The following TOM1L2 variants were observed in gnomAD, a reference collection of about 807,000 sequenced individuals.
TOM1L2 encodes the protein target of myb1 like 2 membrane trafficking protein, also known as TOM1-like protein 2.
A neutral mutation model predicts 67.9 loss-of-function variants in TOM1L2; 31 were observed. The observed-to-expected ratio is 0.46, with a 90% CI of 0.34 to 0.62. TOM1L2 has a LOEUF of 0.62. Among genes scored for constraint, TOM1L2 ranks in the 20% least tolerant of loss-of-function variants. TOM1L2 has a pLI of 0.01. For synonymous variants in TOM1L2, 256 were observed against 254.0 expected (o/e 1.01, Z -0.07); for missense variants, 606 against 663.5 (o/e 0.91, Z 0.95).
rs564353743 is a variant in TOM1L2, at chr17:17,958,359, A to G, written c.52+13903T>C. On this transcript the variant is annotated intron_variant, in intron 1 of 14. Coordinates refer to ENST00000379504, the MANE Select transcript of TOM1L2 (RefSeq NM_001082968.2). ...TCTGGACCAGTGCCAGAAAAAGTAG[A>G]TAAAACAGAAGACCATTGGTGATTT... is the stretch of plus-strand genomic sequence containing the variant. 5.9e-5 allele frequency among the ~76,000 whole-genome samples: 9 copies of G among 152,344 alleles called. No homozygotes were observed. In the South Asian group the frequency reaches 1.5e-3, roughly 25 times the overall value.
chr17:17,886,121 T>C lies in TOM1L2; in HGVS notation c.367-1353A>G, dbSNP rs552284863. ...CTGTCATTGTCACAGAATTTAACTG[T>C]CTCCCTCACTCCAGCAATGTGGTAC... On this transcript the variant is annotated intron_variant, in intron 4 of 14. Transcript: ENST00000379504. 2.4e-4 allele frequency among the ~76,000 whole-genome samples: 37 copies of C among 152,080 alleles called. 1 individual carries two copies. The highest frequency in any genetic ancestry group is 8.7e-4 in the African/African-American group (36 of 41,492).
chr17:17,949,081 C>T (rs2041074318), intron 1 of TOM1L2, among the ~76,000 whole-genome samples: 1 of 152,190 alleles, frequency 6.6e-6, no homozygotes, highest in Non-Finnish European at 1.5e-5. Context: ...AGGTCAGGGA[C>T]ACCTTAATTG....
At chr17:17,914,944 T>C (rs557784170) in intron 1 of TOM1L2, among the ~76,000 whole-genome samples, 12 of 152,316 alleles carry the variant, frequency 7.9e-5, no homozygotes, top group African/African-American at 2.6e-4. Flanking sequence ...CAGAAGACTG[T>C]TGCACAAATG....
chr17:17,903,482 G>A (rs903345668), intron 2 of TOM1L2, among the ~76,000 whole-genome samples: 4 of 151,914 alleles, frequency 2.6e-5, no homozygotes, highest in South Asian at 4.2e-4. Flanking sequence ...GCGTGGTGGC[G>A]GGCGCCTGTA....
Position 17,893,694 on chromosome 17 carries a change from G to C in TOM1L2, c.333C>G (p.Thr111=), listed in dbSNP as rs752966416. Residue 111 remains threonine (T), a synonymous_variant, in exon 4 of 15, where the codon ACC becomes ACG. Coordinates refer to ENST00000379504, the MANE Select transcript of TOM1L2 (RefSeq NM_001082968.2). The part of the protein sequence containing the change: ...KIISPKNNPP[T]IVQDKVLALI... ...GAGCAAGCACTTTGTCCTGTACAAT[G>C]GTGGGAGGGTTGTTCTTGGGAGATA... 1 of 1,614,152 alleles carries C rather than the reference G, an allele frequency of 6.2e-7. No individual in the cohort carries two copies. Among genetic ancestry groups the C allele is most frequent in the South Asian group, 1.1e-5 (1 of 91,082 alleles).
chr17:17,850,915 T>C lies in TOM1L2; in HGVS notation c.1316A>G (p.Glu439Gly). Residue 439 changes from glutamate (E) to glycine (G), a missense_variant, in exon 13 of 15, where the codon GAG (glutamate) becomes GGG (glycine). By Grantham distance (98) the Glu-to-Gly change is moderately conservative. Transcript: ENST00000379504. Reference sequence around the variant, plus strand: ...CACCAGGTCGGTCCTGAGCCACACCTCAATGTCGTCCATGACAGATGGCTG... The same window carrying C: ...CACCAGGTCGGTCCTGAGCCACACCCCAATGTCGTCCATGACAGATGGCTG... ...VAQPSVMDDI[E>G]VWLRTDLKGD... 5 of 1,613,966 alleles carry C rather than the reference T, an allele frequency of 3.1e-6. No homozygotes were observed. The highest frequency in any genetic ancestry group is 3.4e-6 in the Non-Finnish European group (4 of 1,180,000).
At chr17:17,941,576 T>C (rs572605697) in intron 1 of TOM1L2, among the ~76,000 whole-genome samples, 2 of 152,174 alleles carry the variant, frequency 1.3e-5, no homozygotes, top group Admixed American at 6.5e-5. Flanking sequence ...CCACGGGCAG[T>C]CTAAGTCTTC....
At position 17,847,617 on chromosome 17, in the gene TOM1L2, G is replaced by A; in HGVS notation, c.*18C>T. The A allele has an allele frequency of 6.3e-7, 1 of 1,590,746 alleles. No homozygotes were observed. Among genetic ancestry groups the A allele is most frequent in the Non-Finnish European group, 8.6e-7 (1 of 1,168,082 alleles). The stretch of plus-strand genomic sequence containing the variant: ...CGAGCGGGGACCCGCCATCTGGGGA[G>A]GCAAACCACAGAGCTGCTCACAGGG... On this transcript the variant is annotated 3_prime_UTR_variant, in exon 15 of 15. Transcript: ENST00000379504.
At chr17:17,905,730 G>C (rs2039063009) in intron 2 of TOM1L2, among the ~76,000 whole-genome samples, 1 of 152,026 alleles carries the variant, frequency 6.6e-6, no homozygotes, top group Non-Finnish European at 1.5e-5. Flanking sequence ...CATTGTCCTT[G>C]GCCTGCCCCC....
chr17:17,899,048 A>G (rs1042733120), intron 2 of TOM1L2, among the ~76,000 whole-genome samples: 1 of 152,238 alleles, frequency 6.6e-6, no homozygotes, highest in Non-Finnish European at 1.5e-5. Flanking sequence ...AGAAAGAGCT[A>G]TAACAACCTG....
chr17:17,884,524 C>T, intron 5 of TOM1L2, 110 bp downstream of exon 5: 1 of 1,483,102 alleles, frequency 6.7e-7, no homozygotes, highest in Non-Finnish European at 9.2e-7. Context: ...TTTAAGAAAG[C>T]ATGATGACAA....
intron 1 of TOM1L2, among the ~76,000 whole-genome samples, chr17:17,968,726 T>A (rs2041957720): frequency 6.6e-6 from 1 of 150,518 alleles, no homozygotes; most frequent in Non-Finnish European, 1.5e-5. Flanking sequence ...GGCTTCCTCC[T>A]GTGCCCAAAC....
At chr17:17,874,325 C>T (rs1049028481) in intron 7 of TOM1L2, among the ~76,000 whole-genome samples, 5 of 151,812 alleles carry the variant, frequency 3.3e-5, no homozygotes, top group African/African-American at 7.3e-5. Context: ...GGCTGGAGTA[C>T]GGTGGTACGA....
intron 6 of TOM1L2, among the ~76,000 whole-genome samples, chr17:17,880,089 C>G (rs1442343068): frequency 6.6e-6 from 1 of 152,202 alleles, no homozygotes; most frequent in Non-Finnish European, 1.5e-5. Context: ...CTGAACCTCT[C>G]AGGGCTTCCG....
intron 1 of TOM1L2, among the ~76,000 whole-genome samples, chr17:17,913,758 C>T (rs1322970472): frequency 4.6e-5 from 7 of 152,152 alleles, no homozygotes; most frequent in Non-Finnish European, 8.8e-5. Flanking sequence ...TTGAACCCTT[C>T]CCCAGTATCA....
At chr17:17,907,606 C>A in intron 1 of TOM1L2, 75 bp from the exon 2 acceptor site, 1 of 1,286,146 alleles carries the variant, frequency 7.8e-7, no homozygotes, top group South Asian at 1.3e-5. Flanking sequence ...GGGAAGAGAC[C>A]AGAACCACCA....
intron 1 of TOM1L2, among the ~76,000 whole-genome samples, chr17:17,951,359 T>C (rs1033684685): frequency 2.0e-5 from 3 of 152,184 alleles, no homozygotes; most frequent in Admixed American, 1.3e-4. Flanking sequence ...ATATACAAAA[T>C]GCCTGATCTC....
At chr17:17,965,223 A>G (rs2041833558) in intron 1 of TOM1L2, among the ~76,000 whole-genome samples, 1 of 152,066 alleles carries the variant, frequency 6.6e-6, no homozygotes, top group African/African-American at 2.4e-5. Context: ...CCCTCCCTAG[A>G]AGTCTTTCAT....
chr17:17,947,582 T>C (rs1359015982), intron 1 of TOM1L2, among the ~76,000 whole-genome samples: 2 of 152,220 alleles, frequency 1.3e-5, no homozygotes, highest in Non-Finnish European at 2.9e-5. Flanking sequence ...ACCTGCAGCT[T>C]GATCTTGGAT....
Sources: allele counts gnomAD v4.1 joint callset (sites outside exome capture counted in the v4.1 genomes callset), GRCh38; gene constraint gnomAD v4.1.1; transcripts MANE v1.5; gene names NCBI Gene and HGNC (gene_info 2026-07-23, HGNC 2026-07-21).